Variants in FSTL4 observed in about 807,000 individuals in gnomAD.
The protein encoded by FSTL4 is follistatin like 4, also known as follistatin-related protein 4.
In FSTL4, 28 loss-of-function variants were observed where a neutral mutation model predicts 78.2. The observed-to-expected ratio is 0.36, with a 90% CI of 0.27 to 0.49. The LOEUF is 0.49. Among genes scored for constraint, FSTL4 ranks in the 20% least tolerant of loss-of-function variants. FSTL4 has a pLI of 0.98. For synonymous variants in FSTL4, 422 were observed against 440.5 expected (o/e 0.96, Z 0.53); for missense variants, 922 against 1,084.9 (o/e 0.85, Z 2.11).
chr5:133,784,108 G>A, the FSTL4 span, among the ~76,000 whole-genome samples: 2 of 152,136 alleles, frequency 1.3e-5, no homozygotes, highest in South Asian at 2.1e-4. Context: ...TACGTACAGG[G>A]AATTTAGCCC....
the FSTL4 span, among the ~76,000 whole-genome samples, chr5:133,808,223 T>C: frequency 2.0e-5 from 3 of 152,246 alleles, no homozygotes; most frequent in African/African-American, 7.2e-5. Context: ...TAAGACATAG[T>C]GCATCTCTAA....
the FSTL4 span, among the ~76,000 whole-genome samples, chr5:133,707,945 A>G: frequency 2.6e-5 from 4 of 152,030 alleles, no homozygotes; most frequent in Non-Finnish European, 5.9e-5. Flanking sequence ...CTGTACTCCC[A>G]GGAGGCATGT....
At chr5:133,717,009 T>G in the FSTL4 span, among the ~76,000 whole-genome samples, 1 of 152,258 alleles carries the variant, frequency 6.6e-6, no homozygotes, top group Non-Finnish European at 1.5e-5. Context: ...GAGTCTGTCC[T>G]GAGCCAGAAT....
At chr5:133,553,140 G>C (rs748924492) in intron 3 of FSTL4, among the ~76,000 whole-genome samples, 2 of 152,116 alleles carry the variant, frequency 1.3e-5, no homozygotes, top group Non-Finnish European at 2.9e-5. Flanking sequence ...GGTGAGTCCC[G>C]CGGTACCCGG....
intron 6 of FSTL4, among the ~76,000 whole-genome samples, chr5:133,300,959 C>G (rs1386825765): frequency 6.6e-6 from 1 of 152,200 alleles, no homozygotes; most frequent in African/African-American, 2.4e-5. Context: ...GCGTCAACTG[C>G]TATGGTTCTG....
intron 6 of FSTL4, among the ~76,000 whole-genome samples, chr5:133,295,726 A>C (rs974255134): frequency 3.3e-5 from 5 of 152,086 alleles, no homozygotes; most frequent in Admixed American, 3.3e-4. Context: ...GGGACAGCTG[A>C]CCGCTTCCTG....
chr5:133,301,478 G>A (rs1245605884), intron 6 of FSTL4, among the ~76,000 whole-genome samples: 2 of 152,164 alleles, frequency 1.3e-5, no homozygotes, highest in African/African-American at 2.4e-5. Flanking sequence ...GTCTGAAGGG[G>A]ATAAGGAAGA....
the FSTL4 span, among the ~76,000 whole-genome samples, chr5:133,772,962 G>T: frequency 6.6e-6 from 1 of 151,950 alleles, no homozygotes; most frequent in African/African-American, 2.4e-5. Flanking sequence ...TGCCTGTAAA[G>T]CACTTAATAT....
chr5:133,795,226 G>A, the FSTL4 span, among the ~76,000 whole-genome samples: 14 of 152,308 alleles, frequency 9.2e-5, no homozygotes, highest in Middle Eastern at 3.4e-3. Context: ...CAAATGCTCC[G>A]ATTGAAGCAG....
chr5:133,355,469 A>T (rs1315367632), intron 4 of FSTL4, among the ~76,000 whole-genome samples: 1 of 152,174 alleles, frequency 6.6e-6, no homozygotes, highest in Non-Finnish European at 1.5e-5. Flanking sequence ...CATCCTGGCC[A>T]ACATGGTGAA....
intron 4 of FSTL4, among the ~76,000 whole-genome samples, chr5:133,388,735 C>A (rs1755766904): frequency 6.6e-6 from 1 of 151,730 alleles, no homozygotes; most frequent in African/African-American, 2.4e-5. Context: ...TTGGATCTCT[C>A]TTTGCTTATT....
chr5:133,598,715 T>C (rs1425409984), intron 2 of FSTL4, among the ~76,000 whole-genome samples: 1 of 100 alleles, frequency 0.01, no homozygotes, highest in East Asian at 0.25. Flanking sequence ...GGTTCGGTTA[T>C]CCCAGGGTCC....
chr5:133,224,184 T>C lies in FSTL4; in HGVS notation c.1339+6A>G. ...AGGCATGACGCAAAACAATGAAGCT[T>C]GGTACCTTCCTCTCGCCACAGGATG... On this transcript the variant is annotated splice_donor_region_variant and intron_variant, in intron 11 of 15. Coordinates refer to ENST00000265342, the MANE Select transcript of FSTL4 (RefSeq NM_015082.2). The C allele has an allele frequency of 6.2e-7, 1 of 1,611,828 alleles. No individual in the cohort carries two copies. Among genetic ancestry groups the C allele is most frequent in the Non-Finnish European group, 8.5e-7 (1 of 1,178,142 alleles).
intron 6 of FSTL4, among the ~76,000 whole-genome samples, chr5:133,267,589 T>G (rs1162732469): frequency 6.6e-6 from 1 of 152,104 alleles, no homozygotes; most frequent in East Asian, 1.9e-4. Context: ...ATAGTGCTCC[T>G]GGGGTGCCCT....
chr5:133,265,311 C>T (rs1315969729), intron 6 of FSTL4, among the ~76,000 whole-genome samples: 6 of 152,238 alleles, frequency 3.9e-5, no homozygotes. Flanking sequence ...TCCCCCGTCG[C>T]TGGCCACCAG....
At chr5:133,720,415 C>T in the FSTL4 span, 1 of 152,520 alleles carries the variant, frequency 6.6e-6, no homozygotes, top group African/African-American at 2.4e-5. Context: ...GAATGTATTC[C>T]CTTGAATTGT....
At chr5:133,809,365 C>CAAAAA in the FSTL4 span, among the ~76,000 whole-genome samples, 1 of 72,342 alleles carries the variant, frequency 1.4e-5, no homozygotes, top group African/African-American at 5.2e-5. Flanking sequence ...GACACTGTCT[C>CAAAAA]AAAAAAAAAA....
intron 3 of FSTL4, among the ~76,000 whole-genome samples, chr5:133,439,849 C>T (rs1757113898): frequency 1.3e-5 from 2 of 152,322 alleles, no homozygotes; most frequent in Admixed American, 6.5e-5. Flanking sequence ...CACCCCCACC[C>T]TCTTCCCCAC....
chr5:133,747,628 A>C, the FSTL4 span, among the ~76,000 whole-genome samples: 2 of 152,226 alleles, frequency 1.3e-5, no homozygotes, highest in Non-Finnish European at 1.5e-5. Flanking sequence ...TGTAAACCAA[A>C]CTAGATTATG....
Sources: allele counts gnomAD v4.1 joint callset (sites outside exome capture counted in the v4.1 genomes callset), GRCh38; gene constraint gnomAD v4.1.1; transcripts MANE v1.5; gene names NCBI Gene and HGNC (gene_info 2026-07-23, HGNC 2026-07-21).